CLIP1: variants seen among roughly 807,000 people sequenced by gnomAD.
CLIP1 encodes CAP-Gly domain-containing linker protein 1.
CLIP1 carries 66 observed loss-of-function variants against 161.6 expected under a neutral mutation model. The ratio of observed to expected loss-of-function variants is 0.41; its 90% CI spans 0.33 to 0.50. The LOEUF (loss-of-function observed/expected upper bound fraction) is 0.50. CLIP1 is among the 20% of genes least tolerant of loss of function. The pLI, the probability that CLIP1 is intolerant of heterozygous loss-of-function variation, is 0.27. For missense variants in CLIP1, 1,376 were observed against 1,702.0 expected, an observed-to-expected ratio of 0.81 and a Z score of 3.37; for synonymous variants, 598 against 626.2, an observed-to-expected ratio of 0.96 and a Z score of 0.67.
rs750306719 is a variant in CLIP1, at chr12:122,278,784, C to A, written c.3916+8G>T. On this transcript the variant is annotated splice_region_variant and intron_variant, in intron 23 of 25. Coordinates refer to ENST00000620786, the MANE Select transcript of CLIP1 (RefSeq NM_001247997.2). ...TGTACAGAGAAGCACTGGGCAGGCG[C>A]CCTTTACCTGAGGAGCTGCTGAGCT... The A allele has an allele frequency of 1.3e-6, 2 of 1,588,422 alleles. No individual in the cohort carries two copies. The highest frequency in any genetic ancestry group is 1.7e-6 in the Non-Finnish European group (2 of 1,168,586).
intron 5 of CLIP1, among the ~76,000 whole-genome samples, chr12:122,358,456 A>G (rs1167272016): frequency 3.5e-5 from 2 of 56,610 alleles, no homozygotes; most frequent in African/African-American, 1.9e-4. Flanking sequence ...AAAAGAAAAA[A>G]GAAAAAAAAA....
At chr12:122,274,207 T>G (rs1475964447) in intron 24 of CLIP1, 45 bp from the exon 25 acceptor site, 3 of 1,520,196 alleles carry the variant, frequency 2.0e-6, no homozygotes, top group Non-Finnish European at 2.7e-6. Context: ...AGAATATATA[T>G]AAGCTGGAGC....
intron 18 of CLIP1, among the ~76,000 whole-genome samples, chr12:122,317,446 G>C (rs1951314221): frequency 6.6e-6 from 1 of 152,104 alleles, no homozygotes; most frequent in African/African-American, 2.4e-5. Context: ...ACACCCACCT[G>C]GCTCCATCAT....
At chr12:122,314,370 T>C (rs1335793847) in intron 19 of CLIP1, among the ~76,000 whole-genome samples, 1 of 148,466 alleles carries the variant, frequency 6.7e-6, no homozygotes, top group Non-Finnish European at 1.5e-5. Context: ...ACTTGGGAGG[T>C]TGAGGCACGA....
chr12:122,402,104 A>G (rs372680415), intron 1 of CLIP1, among the ~76,000 whole-genome samples: 5 of 152,246 alleles, frequency 3.3e-5, no homozygotes, highest in Admixed American at 2.6e-4. Context: ...GTACAAATGT[A>G]TAATTCTGAA....
chr12:122,417,061 G>T (rs1052836674), intron 1 of CLIP1, among the ~76,000 whole-genome samples: 1 of 152,038 alleles, frequency 6.6e-6, no homozygotes, highest in African/African-American at 2.4e-5. Context: ...ACTCTGGAAG[G>T]CTGAGGCAGG....
chr12:122,333,196 C>T (rs1952067256), intron 14 of CLIP1, 53 bp from the exon 15 acceptor site: 2 of 1,335,854 alleles, frequency 1.5e-6, no homozygotes, highest in Non-Finnish European at 2.1e-6. Context: ...TCAACAAAAA[C>T]TGACTGAGTG....
chr12:122,282,038 A>AT (rs774585865), intron 21 of CLIP1, among the ~76,000 whole-genome samples: 6 of 150,536 alleles, frequency 4.0e-5, no homozygotes, highest in Non-Finnish European at 8.8e-5. Context: ...GCTCATCATC[A>AT]CACACACACA....
rs56949793 is a variant in CLIP1 at position 122,306,998 on chromosome 12, C to CTTTTTTTT, written c.3594+2756_3594+2763dup. Among the ~76,000 whole-genome samples the CTTTTTTTT allele has an allele frequency of 1.1e-3, 86 of 81,018 alleles. 8 individuals are homozygous for CTTTTTTTT. The highest frequency in any genetic ancestry group is 1.5e-3 in the Non-Finnish European group (68 of 45,548). The allele number at this position is 81,018 out of a possible 152,430, so 53.2% of individuals were successfully genotyped here. On this transcript the variant is annotated intron_variant, in intron 20 of 25. Coordinates refer to ENST00000620786, the MANE Select transcript of CLIP1 (RefSeq NM_001247997.2). ...TATCTGTGTATCCTTGGTAAGTTCA[C>CTTTTTTTT]TTTTTTTTTTTTTTTTTTTTTTTTT...
At chr12:122,357,032 G>C (rs975404779) in intron 5 of CLIP1, among the ~76,000 whole-genome samples, 9 of 152,158 alleles carry the variant, frequency 5.9e-5, no homozygotes, top group Non-Finnish European at 1.2e-4. Context: ...CCAAAGTGCC[G>C]AGACTGCAGC....
chr12:122,295,285 G>A (rs1265933829), intron 20 of CLIP1, among the ~76,000 whole-genome samples: 1 of 151,516 alleles, frequency 6.6e-6, no homozygotes, highest in East Asian at 1.9e-4. Flanking sequence ...CAGGAGAATC[G>A]CTTGAACCCA....
At chr12:122,376,229 GC>G (rs1954723666) in intron 3 of CLIP1, among the ~76,000 whole-genome samples, 1 of 151,820 alleles carries the variant, frequency 6.6e-6, no homozygotes, top group Non-Finnish European at 1.5e-5. Flanking sequence ...GAGCCACCCC[GC>G]CCGGCCAATT....
chr12:122,290,353 G>A (rs1012224435), intron 20 of CLIP1, among the ~76,000 whole-genome samples: 2 of 152,010 alleles, frequency 1.3e-5, no homozygotes, highest in Non-Finnish European at 2.9e-5. Context: ...GAAATATTTA[G>A]AAATTTTTAG....
At chr12:122,332,273 C>G (rs188311000) in intron 15 of CLIP1, among the ~76,000 whole-genome samples, 1 of 101,546 alleles carries the variant, frequency 9.8e-6, no homozygotes, top group Non-Finnish European at 2.0e-5. Flanking sequence ...CCAGACTGGG[C>G]AAGAAGAGCA....
At chr12:122,287,429 C>G (rs2136285681) in intron 21 of CLIP1, among the ~76,000 whole-genome samples, 1 of 152,270 alleles carries the variant, frequency 6.6e-6, no homozygotes, top group South Asian at 2.1e-4. Context: ...ACTGGTTATG[C>G]TATTCTTTAA....
intron 20 of CLIP1, among the ~76,000 whole-genome samples, chr12:122,291,250 C>T (rs1048699966): frequency 2.6e-5 from 4 of 151,718 alleles, no homozygotes; most frequent in Admixed American, 6.6e-5. Flanking sequence ...AGTGCAGTGG[C>T]GCGATCTTGG....
chr12:122,278,527 T>C (rs1315716281), intron 23 of CLIP1: 8 of 533,408 alleles, frequency 1.5e-5, no homozygotes, highest in Non-Finnish European at 2.6e-5. Context: ...TCCTGCACTG[T>C]TATGTACTTT....
intron 1 of CLIP1, among the ~76,000 whole-genome samples, chr12:122,392,877 G>A (rs745766907): frequency 6.6e-6 from 1 of 151,920 alleles, no homozygotes; most frequent in African/African-American, 2.4e-5. Flanking sequence ...CACCTCCCAG[G>A]CTCAAGCAAT....
intron 3 of CLIP1, among the ~76,000 whole-genome samples, chr12:122,375,049 T>G (rs1367878298): frequency 6.6e-6 from 1 of 152,156 alleles, no homozygotes; most frequent in East Asian, 1.9e-4. Flanking sequence ...AATGCAGCAC[T>G]GTAGCCTTGC....
Sources: allele counts gnomAD v4.1 joint callset (sites outside exome capture counted in the v4.1 genomes callset), GRCh38; gene constraint gnomAD v4.1.1; transcripts MANE v1.5; gene names NCBI Gene and HGNC (gene_info 2026-07-23, HGNC 2026-07-21).